Variants in EFCAB8 observed in about 807,000 individuals in gnomAD.
EFCAB8 encodes EF-hand calcium binding domain 8, also known as EF-hand calcium-binding domain-containing protein 8.
In EFCAB8, 100 loss-of-function variants were observed where a neutral mutation model predicts 116.3. That is an observed-to-expected ratio of 0.86 (90% CI 0.73 to 1.02). EFCAB8 has a LOEUF of 1.02. Ranked by LOEUF, EFCAB8 falls within the 50% of genes least tolerant of loss-of-function variation. The pLI is 0.00. For synonymous variants in EFCAB8, 558 were observed against 567.9 expected, an observed-to-expected ratio of 0.98 and a Z score of 0.25; for missense variants, 1,320 against 1,416.9, an observed-to-expected ratio of 0.93 and a Z score of 1.10.
chr20:32,911,419 C>CCA, intron 15 of EFCAB8, 61 bp from the exon 16 acceptor site: 1 of 1,396,038 alleles, frequency 7.2e-7, no homozygotes. Context: ...AGGCTGGAGA[C>CCA]CACCCTTGGG....
chr20:32,917,259 A>T, intron 17 of EFCAB8, 42 bp from the exon 18 acceptor site: 2 of 1,427,484 alleles, frequency 1.4e-6, no homozygotes, highest in Non-Finnish European at 1.9e-6. Context: ...GGAGCATTAC[A>T]GGCTGAGCTC....
intron 20 of EFCAB8, among the ~76,000 whole-genome samples, chr20:32,928,524 C>T (rs192617514): frequency 3.3e-5 from 5 of 152,298 alleles, no homozygotes; most frequent in South Asian, 2.1e-4. Context: ...CATGAGCCAC[C>T]GCACCCAGCC....
intron 3 of EFCAB8, among the ~76,000 whole-genome samples, chr20:32,875,296 G>A (rs1241614515): frequency 1.3e-5 from 2 of 152,058 alleles, no homozygotes; most frequent in Non-Finnish European, 2.9e-5. Flanking sequence ...GGGTGGCTGG[G>A]GTGGATGCTG....
chr20:32,936,277 G>A (rs375038815), intron 22 of EFCAB8, among the ~76,000 whole-genome samples: 1 of 151,864 alleles, frequency 6.6e-6, no homozygotes, highest in East Asian at 1.9e-4. Flanking sequence ...CAGGCAATCC[G>A]CCTGACTCAG....
chr20:32,889,959 C>T (rs1000249129), intron 7 of EFCAB8, among the ~76,000 whole-genome samples: 6 of 149,906 alleles, frequency 4.0e-5, no homozygotes, highest in African/African-American at 1.5e-4. Context: ...TGAGATCGCG[C>T]CATTGCACTC....
intron 7 of EFCAB8, among the ~76,000 whole-genome samples, chr20:32,889,649 C>T (rs1414606548): frequency 6.6e-6 from 1 of 152,178 alleles, no homozygotes; most frequent in East Asian, 1.9e-4. Flanking sequence ...ATCTCTGGTC[C>T]TGATTCTACC....
intron 4 of EFCAB8, among the ~76,000 whole-genome samples, chr20:32,877,148 CAT>C (rs1327846412): frequency 1.3e-5 from 2 of 151,584 alleles, no homozygotes; most frequent in Non-Finnish European, 2.9e-5. Context: ...CTCTCCTCAG[CAT>C]AGGTATACAT....
intron 6 of EFCAB8, among the ~76,000 whole-genome samples, chr20:32,887,440 GT>G (rs1985688510): frequency 6.6e-6 from 1 of 152,236 alleles, no homozygotes; most frequent in African/African-American, 2.4e-5. Flanking sequence ...GCCAGGCGTA[GT>G]GGCGCACCCC....
Position 32,870,921 on chromosome 20 carries a change from C to T in EFCAB8, c.208+3174C>T, listed in dbSNP as rs140072319. 6.0e-5 allele frequency among the ~76,000 whole-genome samples: 9 copies of T among 150,626 alleles called. No homozygotes were observed. In the East Asian group the frequency reaches 1.8e-3, roughly 30 times the overall value. ...TCACCCAGGCTAGAGTGCAGTGGTG[C>T]GATCTCGGCTCACTGCAACCTCTGC... On this transcript the variant is annotated intron_variant, in intron 3 of 26. Coordinates refer to ENST00000400522, the MANE Select transcript of EFCAB8 (RefSeq NM_001143967.2).
intron 23 of EFCAB8, among the ~76,000 whole-genome samples, chr20:32,956,590 C>T (rs1988970694): frequency 6.6e-6 from 1 of 151,972 alleles, no homozygotes. Context: ...TCTTTTCTTT[C>T]AGCATTTAAA....
intron 10 of EFCAB8, among the ~76,000 whole-genome samples, chr20:32,897,427 G>C (rs1266259592): frequency 6.6e-6 from 1 of 151,122 alleles, no homozygotes; most frequent in African/African-American, 2.4e-5. Context: ...TGATCCAACA[G>C]GCCTGCACTG....
At chr20:32,900,827 C>A (rs1986389360) in intron 11 of EFCAB8, among the ~76,000 whole-genome samples, 1 of 152,152 alleles carries the variant, frequency 6.6e-6, no homozygotes, top group African/African-American at 2.4e-5. Flanking sequence ...CTTGGCCTCC[C>A]AAAGTACTGG....
intron 8 of EFCAB8, among the ~76,000 whole-genome samples, chr20:32,892,862 T>G (rs1212906407): frequency 1.4e-5 from 2 of 144,980 alleles, no homozygotes; most frequent in African/African-American, 5.1e-5. Flanking sequence ...TTTTTATGAC[T>G]CAGAGTCTCA....
rs1034362905 is a variant in EFCAB8, at chr20:32,918,593, C to A, written c.2274+19C>A. On this transcript the variant is annotated intron_variant, in intron 19 of 26. Coordinates refer to ENST00000400522, the MANE Select transcript of EFCAB8 (RefSeq NM_001143967.2). The stretch of plus-strand genomic sequence containing the variant: ...CCAGCAGGTGGGAGCGAGAGCCCAA[C>A]CAGAAGGCTACCCTCACTCTCTAGC... 22 of 1,549,936 alleles carry A rather than the reference C, an allele frequency of 1.4e-5. No homozygotes were observed. Among genetic ancestry groups the A allele is most frequent in the Middle Eastern group, 1.7e-4 (1 of 5,850 alleles).
chr20:32,904,230 G>A (rs960768604), intron 11 of EFCAB8, among the ~76,000 whole-genome samples: 20 of 150,144 alleles, frequency 1.3e-4, no homozygotes, highest in Non-Finnish European at 1.9e-4. Flanking sequence ...TGGCCTCAAG[G>A]GATCCTCCTG....
At chr20:32,902,691 T>C (rs1986484459) in intron 11 of EFCAB8, among the ~76,000 whole-genome samples, 1 of 152,210 alleles carries the variant, frequency 6.6e-6, no homozygotes, top group South Asian at 2.1e-4. Flanking sequence ...CTTGCTGGTC[T>C]CCCGTTTTGG....
intron 4 of EFCAB8, among the ~76,000 whole-genome samples, chr20:32,878,392 G>A (rs1985102114): frequency 6.6e-6 from 1 of 151,936 alleles, no homozygotes; most frequent in Non-Finnish European, 1.5e-5. Flanking sequence ...GAAAGAGCAG[G>A]TCTGTTGCTT....
chr20:32,888,382 C>G (rs1374932790), intron 6 of EFCAB8, among the ~76,000 whole-genome samples: 1 of 152,190 alleles, frequency 6.6e-6, no homozygotes, highest in Admixed American at 6.5e-5. Context: ...AGCACCACCA[C>G]GCCCAGCTAA....
rs147537337 is a variant in EFCAB8 at position 32,959,566 on chromosome 20, G to A, written c.3090-212G>A. ...TGGTGGAGAGGACAGAGTGGTGGGA[G>A]AGTGGCAGGACTGCTGGGCCAGCTG... On this transcript the variant is annotated intron_variant, in intron 24 of 26. Coordinates refer to ENST00000400522, the MANE Select transcript of EFCAB8 (RefSeq NM_001143967.2). Among the ~76,000 whole-genome samples the A allele has an allele frequency of 1.1e-3, 168 of 152,316 alleles. 1 individual carries two copies. The highest frequency in any genetic ancestry group is 0.01 in the Middle Eastern group (3 of 294).
Sources: gnomAD v4.1 joint callset for allele counts (sites outside exome capture counted in the v4.1 genomes callset) on GRCh38, gnomAD v4.1.1 for gene constraint, MANE v1.5 for transcripts, NCBI Gene and HGNC (gene_info 2026-07-23, HGNC 2026-07-21) for gene names.